RAB11FIP4: variants seen among roughly 807,000 people sequenced by gnomAD.
RAB11FIP4 encodes rab11 family-interacting protein 4.
Under a neutral mutation model 74.3 loss-of-function variants are expected in RAB11FIP4, and 23 were observed. The observed-to-expected ratio is 0.31, with a 90% CI of 0.22 to 0.44. The LOEUF is 0.44. RAB11FIP4 is among the 20% of genes least tolerant of loss of function. The pLI is 1.00. For synonymous variants in RAB11FIP4, 360 were observed against 359.9 expected (o/e 1.00, Z 0.00); for missense variants, 630 against 863.9 (o/e 0.73, Z 3.39).
intron 1 of RAB11FIP4, among the ~76,000 whole-genome samples, chr17:31,427,980 C>T (rs531892043): frequency 1.3e-5 from 2 of 152,286 alleles, no homozygotes; most frequent in Admixed American, 1.3e-4. Flanking sequence ...TGAAATTTTG[C>T]AGGTCTTTCC....
At chr17:31,527,509 G>A (rs114124582) in intron 10 of RAB11FIP4, 2,558 of 236,844 alleles carry the variant, frequency 0.011, 67 homozygotes, top group African/African-American at 0.054. Flanking sequence ...GCTGAGGCAC[G>A]AGAATTGCTG....
At chr17:31,501,191 CTTT>C (rs200653351) in intron 3 of RAB11FIP4, among the ~76,000 whole-genome samples, 49 of 145,536 alleles carry the variant, frequency 3.4e-4, no homozygotes, top group Admixed American at 6.2e-4. Flanking sequence ...GAGAATACAA[CTTT>C]TTTTTTTTTT....
chr17:31,523,951 A>T lies in RAB11FIP4; in HGVS notation c.1088A>T (p.Asp363Val). The change falls in exon 9 of 15, where the codon GAC (aspartate) becomes GTC (valine). Residue 363 changes from aspartate to valine, a missense_variant. Coordinates refer to ENST00000621161, the MANE Select transcript of RAB11FIP4 (RefSeq NM_032932.6). ...ELENDSLTNGDLKSKLKQENT... is the reference protein window; with the variant it reads ...ELENDSLTNGVLKSKLKQENT... ...GAGAATGACAGCCTGACCAATGGGG[A>T]CCTGAAGAGCAAGCTGAAGCAAGAG... The T allele has an allele frequency of 6.2e-7, 1 of 1,612,576 alleles. No individual in the cohort carries two copies. The highest frequency in any genetic ancestry group is 8.5e-7 in the Non-Finnish European group (1 of 1,179,580).
At chr17:31,513,984 G>A (rs1392606342) in intron 3 of RAB11FIP4, among the ~76,000 whole-genome samples, 2 of 152,332 alleles carry the variant, frequency 1.3e-5, no homozygotes, top group East Asian at 3.9e-4. Flanking sequence ...AGCTCGCACG[G>A]GGCTGTTGTG....
intron 3 of RAB11FIP4, among the ~76,000 whole-genome samples, chr17:31,511,091 G>T (rs2072443585): frequency 6.6e-6 from 1 of 152,080 alleles, no homozygotes; most frequent in African/African-American, 2.4e-5. Flanking sequence ...AAGTGCTTAG[G>T]ATGTGTAGCA....
At chr17:31,430,113 A>C (rs2071293005) in intron 1 of RAB11FIP4, among the ~76,000 whole-genome samples, 1 of 152,164 alleles carries the variant, frequency 6.6e-6, no homozygotes. Flanking sequence ...CGTTTCATAG[A>C]GGTACAAAGG....
intron 3 of RAB11FIP4, among the ~76,000 whole-genome samples, chr17:31,505,367 C>T (rs1431377194): frequency 2.3e-5 from 3 of 132,200 alleles, no homozygotes; most frequent in Non-Finnish European, 4.6e-5. Flanking sequence ...CTCTCTAATT[C>T]TCTTGTTTGC....
At chr17:31,439,314 C>G (rs989886750) in intron 3 of RAB11FIP4, among the ~76,000 whole-genome samples, 1 of 152,172 alleles carries the variant, frequency 6.6e-6, no homozygotes, top group African/African-American at 2.4e-5. Context: ...AAGCCTGTAC[C>G]ATTTGTATCA....
At chr17:31,510,754 G>A (rs2072437748) in intron 3 of RAB11FIP4, among the ~76,000 whole-genome samples, 1 of 152,210 alleles carries the variant, frequency 6.6e-6, no homozygotes. Flanking sequence ...CAGCCGAGCT[G>A]CAGCCCAGTG....
At chr17:31,500,256 A>T (rs974924357) in intron 3 of RAB11FIP4, among the ~76,000 whole-genome samples, 2 of 151,660 alleles carry the variant, frequency 1.3e-5, no homozygotes, top group African/African-American at 4.9e-5. Context: ...CCAGCTCTAG[A>T]CCGCTGTGGA....
chr17:31,445,426 A>G (rs1383380778), intron 3 of RAB11FIP4, among the ~76,000 whole-genome samples: 1 of 150,906 alleles, frequency 6.6e-6, no homozygotes, highest in East Asian at 1.9e-4. Flanking sequence ...CATTCCTAAG[A>G]AGGACACTCT....
intron 3 of RAB11FIP4, among the ~76,000 whole-genome samples, chr17:31,500,978 G>A (rs188892957): frequency 3.0e-4 from 45 of 151,642 alleles, no homozygotes; most frequent in African/African-American, 9.0e-4. Context: ...AGCCGAGATC[G>A]TGCCACTGCA....
chr17:31,413,255 A>G (rs988464520), intron 1 of RAB11FIP4, among the ~76,000 whole-genome samples: 1 of 151,682 alleles, frequency 6.6e-6, no homozygotes, highest in African/African-American at 2.4e-5. Context: ...GAGTGGCCCA[A>G]CTCCTGCAGG....
intron 4 of RAB11FIP4, among the ~76,000 whole-genome samples, chr17:31,519,670 G>C (rs1388638589): frequency 2.0e-5 from 3 of 152,152 alleles, no homozygotes; most frequent in Non-Finnish European, 2.9e-5. Flanking sequence ...ACATGAAATT[G>C]ACAACTTTTA....
At chr17:31,430,603 C>T (rs2071300215) in intron 1 of RAB11FIP4, among the ~76,000 whole-genome samples, 1 of 152,124 alleles carries the variant, frequency 6.6e-6, no homozygotes, top group South Asian at 2.1e-4. Context: ...TCGTGATCTA[C>T]CCGCCTCGGC....
rs1157110625 is a variant in RAB11FIP4, at chr17:31,537,463, T to G, written c.*5731T>G. 2.7e-6 allele frequency: 1 copy of G among 366,318 alleles called. No homozygotes were observed. The highest frequency in any genetic ancestry group is 2.1e-5 in the African/African-American group (1 of 48,014). The allele number at this position is 366,318 out of a possible 1,614,324, so 22.7% of individuals were successfully genotyped here. On this transcript the variant is annotated 3_prime_UTR_variant, in exon 15 of 15. Transcript: ENST00000621161. ...CTTGCATTCCAGAAAAGGGCAACTT[T>G]GTGTAAAGCAGCTTCTCCCACAGAG... is the stretch of plus-strand genomic sequence containing the variant.
At chr17:31,466,630 G>A (rs943372887) in intron 3 of RAB11FIP4, among the ~76,000 whole-genome samples, 25 of 152,160 alleles carry the variant, frequency 1.6e-4, no homozygotes, top group African/African-American at 5.8e-4. Flanking sequence ...CCGCCTTCCA[G>A]TGCCAACCGT....
At position 31,537,577 on chromosome 17, in the gene RAB11FIP4, C is replaced by T. The variant is rs764474711; in HGVS notation, c.*5845C>T. Reference sequence around the variant, plus strand: ...AGCAGGGATATCATGGGACCGCAGCCGCTCCGTGCACTGTCTCTGCCCCCA... The same window carrying T: ...AGCAGGGATATCATGGGACCGCAGCTGCTCCGTGCACTGTCTCTGCCCCCA... On this transcript the variant is annotated 3_prime_UTR_variant, in exon 15 of 15. Transcript: ENST00000621161. 2.3e-5 allele frequency: 4 copies of T among 177,118 alleles called. No individual in the cohort carries two copies. Among genetic ancestry groups the T allele is most frequent in the African/African-American group, 4.7e-5 (2 of 42,530 alleles). The allele number at this position is 177,118 out of a possible 1,614,324, so 11.0% of individuals were successfully genotyped here. A position where few individuals can be genotyped will look rare whatever the true frequency, so the allele number is the denominator to read the frequency against.
At chr17:31,440,997 G>A (rs529215630) in intron 3 of RAB11FIP4, among the ~76,000 whole-genome samples, 2 of 152,094 alleles carry the variant, frequency 1.3e-5, no homozygotes, top group South Asian at 4.2e-4. Flanking sequence ...ATGCCCTCTA[G>A]GAAAGTTTTC....
Sources: gnomAD v4.1 joint callset for allele counts (sites outside exome capture counted in the v4.1 genomes callset) on GRCh38, gnomAD v4.1.1 for gene constraint, MANE v1.5 for transcripts, NCBI Gene and HGNC (gene_info 2026-07-23, HGNC 2026-07-21) for gene names.